UBE2R2: variants seen among roughly 807,000 people sequenced by gnomAD.
UBE2R2 encodes the protein ubiquitin-conjugating enzyme E2 R2.
UBE2R2 carries 1 observed loss-of-function variant against 27.8 expected under a neutral mutation model. The ratio of observed to expected loss-of-function variants is 0.04; its 90% CI spans 0.01 to 0.17. The LOEUF is 0.17. Among genes scored for constraint, UBE2R2 ranks in the 10% least tolerant of loss-of-function variants. The pLI is 1.00. For missense variants in UBE2R2, 100 were observed against 291.0 expected (o/e 0.34, Z 4.78); for synonymous variants, 106 against 113.3 (o/e 0.94, Z 0.41).
chr9:33,879,155 C>A (rs1363718446), intron 1 of UBE2R2, among the ~76,000 whole-genome samples: 3 of 152,110 alleles, frequency 2.0e-5, no homozygotes, highest in Non-Finnish European at 1.5e-5. Flanking sequence ...ATCGCTTGAG[C>A]CTGCGAGGTC....
intron 4 of UBE2R2, among the ~76,000 whole-genome samples, chr9:33,914,275 A>G (rs1822578991): frequency 2.0e-5 from 3 of 152,246 alleles, no homozygotes; most frequent in African/African-American, 7.2e-5. Flanking sequence ...ATAATTCCTT[A>G]TAACCAATAC....
chr9:33,859,793 TGTGTGTGA>T (rs1002778872), intron 1 of UBE2R2, among the ~76,000 whole-genome samples: 10 of 124,714 alleles, frequency 8.0e-5, no homozygotes, highest in African/African-American at 2.2e-4. Flanking sequence ...TGTGTGTGTG[TGTGTGTGA>T]GAGAGAGAGA....
At chr9:33,829,558 A>T (rs574611035) in intron 1 of UBE2R2, among the ~76,000 whole-genome samples, 1 of 152,160 alleles carries the variant, frequency 6.6e-6, no homozygotes, top group Non-Finnish European at 1.5e-5. Context: ...TGATTTTGGG[A>T]TGAGAAATGA....
intron 1 of UBE2R2, among the ~76,000 whole-genome samples, chr9:33,853,508 C>A (rs1032942230): frequency 6.6e-6 from 1 of 152,028 alleles, no homozygotes; most frequent in African/African-American, 2.4e-5. Context: ...TGGTCTCGAA[C>A]TCCCAGCCTC....
Position 33,817,440 on chromosome 9 carries a change from C to G in UBE2R2, c.-318C>G, listed in dbSNP as rs372911259. ...TCCGCTTCCACCTCCTCTCCCCCCCCCCAAGTTGAGGCCCCCTCCGGGGGG... is the reference window on the plus strand; with the variant it reads ...TCCGCTTCCACCTCCTCTCCCCCCCGCCAAGTTGAGGCCCCCTCCGGGGGG... On this transcript the variant is annotated 5_prime_UTR_variant, in exon 1 of 5. Transcript: ENST00000263228. The G allele has an allele frequency of 3.6e-4, 56 of 154,802 alleles. No homozygotes were observed. Among genetic ancestry groups the G allele is most frequent in the South Asian group, 6.2e-4 (3 of 4,834 alleles). The allele number at this position is 154,802 out of a possible 1,614,324, so 9.6% of individuals were successfully genotyped here.
chr9:33,831,074 C>CAAAA (rs60428230), intron 1 of UBE2R2: 411 of 87,646 alleles, frequency 4.7e-3, no homozygotes, highest in Non-Finnish European at 5.8e-3. Flanking sequence ...ACTGAACTAG[C>CAAAA]AAAAAAAAAA....
intron 2 of UBE2R2, among the ~76,000 whole-genome samples, chr9:33,890,834 GAAGTGAC>G (rs1821964180): frequency 6.6e-6 from 1 of 152,166 alleles, no homozygotes; most frequent in South Asian, 2.1e-4. Context: ...GTTGGGGGAA[GAAGTGAC>G]AAATCATATT....
intron 2 of UBE2R2, among the ~76,000 whole-genome samples, chr9:33,898,319 C>T (rs1191009021): frequency 2.0e-5 from 3 of 151,774 alleles, no homozygotes; most frequent in Admixed American, 6.6e-5. Flanking sequence ...TGACCTTGTG[C>T]TCTGCCTGCC....
chr9:33,859,803 A>T (rs74573872), intron 1 of UBE2R2, among the ~76,000 whole-genome samples: 188 of 66,544 alleles, frequency 2.8e-3, no homozygotes, highest in South Asian at 9.1e-3. Context: ...TGTGTGTGAG[A>T]GAGAGAGAGA....
rs1822732198 is a variant in UBE2R2 at position 33,919,104 on chromosome 9, C to G, written c.*1867C>G. 6.6e-6 allele frequency: 1 copy of G among 152,398 alleles called. No individual in the cohort carries two copies. The highest frequency in any genetic ancestry group is 1.9e-4 in the East Asian group (1 of 5,192). 9.4% of individuals were successfully genotyped at this position (152,398 alleles called of 1,614,324 possible). ...CAGGGCCAGGGTTGCTACTTGCACC[C>G]AGAATCTAGTGATTTTAGTCAGATC... On this transcript the variant is annotated 3_prime_UTR_variant, in exon 5 of 5. Transcript: ENST00000263228.
chr9:33,878,936 C>T (rs1374589713), intron 1 of UBE2R2, among the ~76,000 whole-genome samples: 3 of 152,110 alleles, frequency 2.0e-5, no homozygotes, highest in African/African-American at 7.2e-5. Context: ...TATTGCTTTT[C>T]CCTCGGTCCC....
upstream of UBE2R2, among the ~76,000 whole-genome samples, chr9:33,815,598 A>G (rs568759522): frequency 6.6e-6 from 1 of 152,264 alleles, no homozygotes; most frequent in African/African-American, 2.4e-5. Flanking sequence ...TACAAAAATT[A>G]GCTGGGCATG....
chr9:33,856,239 A>G (rs918264477), intron 1 of UBE2R2, among the ~76,000 whole-genome samples: 47 of 152,296 alleles, frequency 3.1e-4, no homozygotes, highest in African/African-American at 1.1e-3. Flanking sequence ...GTCAGTCCTC[A>G]GCAAAGCATT....
At chr9:33,890,482 G>A (rs898453560) in intron 2 of UBE2R2, among the ~76,000 whole-genome samples, 2 of 151,882 alleles carry the variant, frequency 1.3e-5, no homozygotes, top group Admixed American at 6.6e-5. Context: ...CAGGAGAATC[G>A]GCTTGAACCC....
chr9:33,863,245 C>T (rs117394622), intron 1 of UBE2R2, among the ~76,000 whole-genome samples: 4 of 151,688 alleles, frequency 2.6e-5, no homozygotes, highest in East Asian at 1.9e-4. Flanking sequence ...CATGGTAAGC[C>T]GGGCGTGGTG....
Position 33,824,257 on chromosome 9 carries a change from C to T in UBE2R2, c.177+6323C>T, listed in dbSNP as rs372105196. 1.3e-4 allele frequency among the ~76,000 whole-genome samples: 20 copies of T among 152,054 alleles called. No individual in the cohort carries two copies. The East Asian group carries it at 3.5e-3, about 26-fold the overall frequency. On this transcript the variant is annotated intron_variant, in intron 1 of 4. Transcript: ENST00000263228. ...CTGTAATCCCAGGACTTTGGGAGGC[C>T]GAGGCGGGTGGATCACCTGATGTCA... is the stretch of plus-strand genomic sequence containing the variant.
intron 1 of UBE2R2, 44 bp downstream of exon 1, chr9:33,817,978 C>A: frequency 6.4e-7 from 1 of 1,568,630 alleles, no homozygotes. Flanking sequence ...CGGCCGAGGC[C>A]TCCGGCTCCC....
In UBE2R2 at chr9:33,818,231, C is replaced by T. The variant is rs566209683; in HGVS notation, c.177+297C>T. On this transcript the variant is annotated intron_variant, in intron 1 of 4. Transcript: ENST00000263228. ...CGGAGGAGGCCGCCTTTGTTTCCCC[C>T]GCTGAGGGTGGGTGGAAAGAGCGGT... Among the ~76,000 whole-genome samples, 5 of 152,102 alleles carry T rather than the reference C, an allele frequency of 3.3e-5. No homozygotes were observed. In the East Asian group the frequency reaches 7.7e-4, roughly 24 times the overall value.
At chr9:33,854,414 G>T (rs151281025) in intron 1 of UBE2R2, among the ~76,000 whole-genome samples, 18,738 of 151,880 alleles carry the variant, frequency 0.12, 1,397 homozygotes, top group South Asian at 0.33. Context: ...CCGCCTCCTG[G>T]ATTCAAGCGA....
Sources: gnomAD v4.1 joint callset for allele counts (sites outside exome capture counted in the v4.1 genomes callset) on GRCh38, gnomAD v4.1.1 for gene constraint, MANE v1.5 for transcripts, NCBI Gene and HGNC (gene_info 2026-07-23, HGNC 2026-07-21) for gene names.